Variants in EPHA7 observed in about 807,000 individuals in gnomAD.
EPHA7 encodes EPH receptor A7.
In EPHA7, 25 loss-of-function variants were observed where a neutral mutation model predicts 112.6. The ratio of observed to expected loss-of-function variants is 0.22; its 90% CI spans 0.16 to 0.31. EPHA7 has a LOEUF of 0.31. Among genes scored for constraint, EPHA7 ranks in the 10% least tolerant of loss-of-function variants. The probability of loss-of-function intolerance (pLI) is 1.00; values close to 1 mark genes in which losing one functional copy is unlikely to be tolerated. For missense variants in EPHA7, 962 were observed against 1,212.6 expected (o/e 0.79, Z 3.07); for synonymous variants, 437 against 406.5 (o/e 1.07, Z -0.90).
At chr6:93,294,649 T>C (rs1240935967) in intron 5 of EPHA7, among the ~76,000 whole-genome samples, 2 of 152,132 alleles carry the variant, frequency 1.3e-5, no homozygotes, top group African/African-American at 2.4e-5. Context: ...ATAACATGTA[T>C]AATCATATAA....
intron 3 of EPHA7, among the ~76,000 whole-genome samples, chr6:93,373,399 T>C (rs1776898308): frequency 6.6e-6 from 1 of 152,076 alleles, no homozygotes; most frequent in Admixed American, 6.6e-5. Context: ...ACAGAAGCCC[T>C]GACTTATTAG....
At chr6:93,315,789 A>G (rs754074557) in intron 5 of EPHA7, among the ~76,000 whole-genome samples, 26 of 152,176 alleles carry the variant, frequency 1.7e-4, no homozygotes, top group Non-Finnish European at 3.1e-4. Flanking sequence ...TATGAAACTA[A>G]TCTTCTCACA....
At chr6:93,341,804 G>A (rs1417929721) in intron 5 of EPHA7, among the ~76,000 whole-genome samples, 2 of 151,756 alleles carry the variant, frequency 1.3e-5, no homozygotes, top group African/African-American at 4.8e-5. Context: ...GAAGTGAAAG[G>A]TGACTCAATT....
At chr6:93,267,354 A>C (rs576318752) in intron 7 of EPHA7, among the ~76,000 whole-genome samples, 141 of 151,866 alleles carry the variant, frequency 9.3e-4, no homozygotes, top group African/African-American at 3.3e-3. Flanking sequence ...CTACTATACT[A>C]GAAATTAGGG....
At chr6:93,342,735 T>A (rs1775203323) in intron 5 of EPHA7, among the ~76,000 whole-genome samples, 1 of 151,756 alleles carries the variant, frequency 6.6e-6, no homozygotes, top group Non-Finnish European at 1.5e-5. Context: ...GGATACTAAA[T>A]CTAATTTCTA....
At chr6:93,268,717 A>G (rs1378647064) in intron 7 of EPHA7, among the ~76,000 whole-genome samples, 9 of 151,782 alleles carry the variant, frequency 5.9e-5, no homozygotes, top group Non-Finnish European at 1.2e-4. Flanking sequence ...AAATGGGGAC[A>G]TCCATCCCAA....
At chr6:93,380,619 G>A (rs754594510) in intron 3 of EPHA7, among the ~76,000 whole-genome samples, 2 of 152,066 alleles carry the variant, frequency 1.3e-5, no homozygotes, top group Non-Finnish European at 2.9e-5. Context: ...GAAATTCAAG[G>A]AAATGCTGCA....
intron 3 of EPHA7, among the ~76,000 whole-genome samples, chr6:93,387,889 T>A (rs1443284328): frequency 6.6e-6 from 1 of 151,066 alleles, no homozygotes; most frequent in African/African-American, 2.4e-5. Context: ...AGATTTGGTG[T>A]AGGACATAAA....
chr6:93,353,096 T>TA (rs1248798980), intron 5 of EPHA7, among the ~76,000 whole-genome samples: 2 of 152,052 alleles, frequency 1.3e-5, no homozygotes, highest in African/African-American at 4.8e-5. Context: ...CATAAAAGGT[T>TA]AAAAAAGGCA....
intron 5 of EPHA7, among the ~76,000 whole-genome samples, chr6:93,327,753 A>C (rs1000009611): frequency 5.9e-5 from 9 of 151,504 alleles, no homozygotes; most frequent in African/African-American, 2.2e-4. Context: ...CTACCACCCT[A>C]GTGAAAGCCA....
intron 1 of EPHA7, among the ~76,000 whole-genome samples, 194 bp from the exon 2 acceptor site, chr6:93,414,961 A>T (rs1055806184): frequency 1.3e-5 from 2 of 152,016 alleles, no homozygotes; most frequent in African/African-American, 4.8e-5. Flanking sequence ...AAAAGATATT[A>T]AGACACCAAT....
chr6:93,335,082 TAAC>T lies in EPHA7; in HGVS notation c.1324+21632_1324+21634del, dbSNP rs1386197539. Among the ~76,000 whole-genome samples the T allele has an allele frequency of 9.2e-5, 14 of 152,110 alleles. No homozygotes were observed. The East Asian group carries it at 2.7e-3, about 29-fold the overall frequency. On this transcript the variant is annotated intron_variant, in intron 5 of 16. Transcript: ENST00000369303. ...GCTTTATCACCTTCGGCAATTTGTT[TAAC>T]TTCTCTCAGCATTTGGAGTAATAAC...
intron 3 of EPHA7, among the ~76,000 whole-genome samples, chr6:93,409,035 C>A (rs1778848467): frequency 6.6e-6 from 1 of 151,790 alleles, no homozygotes; most frequent in African/African-American, 2.4e-5. Context: ...TTACTTACAG[C>A]ACATCTCAAT....
chr6:93,405,807 GTGTGTGTATA>G (rs1395904882), intron 3 of EPHA7, among the ~76,000 whole-genome samples: 90 of 70,478 alleles, frequency 1.3e-3, no homozygotes, highest in African/African-American at 4.6e-3. Flanking sequence ...GTGTGTGTGT[GTGTGTGTATA>G]TATATATATA....
intron 7 of EPHA7, among the ~76,000 whole-genome samples, chr6:93,266,584 A>G (rs1770950920): frequency 6.6e-6 from 1 of 151,736 alleles, no homozygotes; most frequent in African/African-American, 2.4e-5. Context: ...AACTCGAAAC[A>G]GTAGATAGGA....
At chr6:93,339,785 G>GA (rs1452424909) in intron 5 of EPHA7, among the ~76,000 whole-genome samples, 2 of 151,682 alleles carry the variant, frequency 1.3e-5, no homozygotes, top group African/African-American at 4.8e-5. Context: ...TCAATACATT[G>GA]AAAAAACATA....
rs777949521 is a variant in EPHA7, at chr6:93,258,160, T to TG, written c.2048dup (p.Ser684LysfsTer7). ...GGTGGTCAAACTGCCCCATGATGCT[T>TG]GCTTCACACAAAAAGTCTCTCCTTT... On this transcript the variant is annotated frameshift_variant, in exon 11 of 17. Transcript: ENST00000369303. LOFTEE classifies it high-confidence loss of function. 1 of 1,613,570 alleles carries TG rather than the reference T, an allele frequency of 6.2e-7. No homozygotes were observed. Among genetic ancestry groups the TG allele is most frequent in the Non-Finnish European group, 8.5e-7 (1 of 1,179,716 alleles).
chr6:93,417,143 C>A (rs1004699027), intron 1 of EPHA7, among the ~76,000 whole-genome samples: 1 of 152,278 alleles, frequency 6.6e-6, no homozygotes, highest in Non-Finnish European at 1.5e-5. Context: ...GACTCTGACA[C>A]GCGCTCCCTG....
chr6:93,263,924 A>C lies in EPHA7; in HGVS notation c.1743-9T>G, dbSNP rs370242745. The C allele has an allele frequency of 1.9e-6, 3 of 1,607,026 alleles. No individual in the cohort carries two copies. The highest frequency in any genetic ancestry group is 2.6e-6 in the Non-Finnish European group (3 of 1,175,538). On this transcript the variant is annotated splice_polypyrimidine_tract_variant and intron_variant, in intron 8 of 16. Transcript: ENST00000369303. ...TGCTATAACCACAGTGCCTTGAAGA[A>C]AGCAAATTTGTGACAATCTCAGTCA...
Sources: allele counts gnomAD v4.1 joint callset (sites outside exome capture counted in the v4.1 genomes callset), GRCh38; gene constraint gnomAD v4.1.1; transcripts MANE v1.5; gene names NCBI Gene and HGNC (gene_info 2026-07-23, HGNC 2026-07-21).